DVL1: variants seen among roughly 807,000 people sequenced by gnomAD.
The protein encoded by DVL1 is segment polarity protein dishevelled homolog DVL-1.
DVL1 carries 49 observed loss-of-function variants against 65.0 expected under a neutral mutation model. That is an observed-to-expected ratio of 0.75 (90% CI 0.60 to 0.96). DVL1 has a LOEUF of 0.96. Ranked by LOEUF, DVL1 falls within the 40% of genes least tolerant of loss-of-function variation. The pLI, the probability that DVL1 is intolerant of heterozygous loss-of-function variation, is 0.00. For missense variants in DVL1, 1,197 were observed against 1,045.4 expected (o/e 1.15, Z -2.00); for synonymous variants, 608 against 433.9 (o/e 1.40, Z -4.99).
At chr1:1,345,814 GCAGAGCCATCCTGTGCCCT>G (rs1372840530) in intron 1 of DVL1, among the ~76,000 whole-genome samples, 3 of 152,166 alleles carry the variant, frequency 2.0e-5, no homozygotes, top group South Asian at 4.1e-4. Context: ...GACAGGCGGT[GCAGAGCCATCCTGTGCCCT>G]CAGAGCCCCC....
chr1:1,339,179 ACACGTGTCACAGCCCCATGACGGC>A, intron 11 of DVL1, 84 bp downstream of exon 11: 3 of 1,427,086 alleles, frequency 2.1e-6, no homozygotes, highest in Non-Finnish European at 2.9e-6. Flanking sequence ...CAGGCAACAC[ACACGTGTCACAGCCCCATGACGGC>A]CACAGGCGGC....
rs555813095 is a variant in DVL1 at position 1,337,074 on chromosome 1, AG to A, written c.1715-560del. 3.6e-5 allele frequency: 36 copies of A among 988,252 alleles called. No individual in the cohort carries two copies. The Admixed American group carries it at 2.1e-3, about 58-fold the overall frequency. 61.2% of individuals were successfully genotyped at this position (988,252 alleles called of 1,614,324 possible). On this transcript the variant is annotated intron_variant, in intron 14 of 14. Coordinates refer to ENST00000378888, the MANE Select transcript of DVL1 (RefSeq NM_001330311.2). ...TCTAAGGCTTGTTTAGCACAAGACA[AG>A]GGATAGCACGAGTTACACGCCCGGC...
At chr1:1,340,593 G>A (rs111406534) in intron 5 of DVL1, 90 bp from the exon 6 acceptor site, 22 of 1,392,128 alleles carry the variant, frequency 1.6e-5, no homozygotes, top group Non-Finnish European at 2.1e-5. Flanking sequence ...GGAATCGGGG[G>A]TCTAGGCCAG....
chr1:1,347,834 C>T (rs1643941365), intron 1 of DVL1, among the ~76,000 whole-genome samples: 1 of 152,132 alleles, frequency 6.6e-6, no homozygotes, highest in South Asian at 2.1e-4. Context: ...CAAGGACGCA[C>T]CCTGCCCTCT....
At chr1:1,338,229 T>TGGCCCCCCCCCCC in intron 13 of DVL1, 40 bp downstream of exon 13, 5 of 1,522,336 alleles carry the variant, frequency 3.3e-6, no homozygotes, top group Non-Finnish European at 3.6e-6. Flanking sequence ...CCTCCGGCGT[T>TGGCCCCCCCCCCC]CCCCTCCCCC....
chr1:1,342,172 A>C lies in DVL1; in HGVS notation c.363-16T>G, dbSNP rs753086849. 1.3e-6 allele frequency: 2 copies of C among 1,547,760 alleles called. No homozygotes were observed. Among genetic ancestry groups the C allele is most frequent in the South Asian group, 2.4e-5 (2 of 84,300 alleles). The stretch of plus-strand genomic sequence containing the variant: ...CACATTTGGGCTGTGCAACAAGAGC[A>C]GGGTGGGTGGGGAGGCCGTGGCCCC... On this transcript the variant is annotated splice_polypyrimidine_tract_variant and intron_variant, in intron 3 of 14. Coordinates refer to ENST00000378888, the MANE Select transcript of DVL1 (RefSeq NM_001330311.2).
chr1:1,346,139 T>TC (rs1048105970), intron 1 of DVL1, among the ~76,000 whole-genome samples: 1 of 151,118 alleles, frequency 6.6e-6, no homozygotes, highest in African/African-American at 2.4e-5. Flanking sequence ...GAGTGGGAAC[T>TC]CCCCCCACAG....
At chr1:1,342,907 C>T (rs1156466088) in intron 1 of DVL1, 149 bp from the exon 2 acceptor site, 2 of 728,486 alleles carry the variant, frequency 2.7e-6, no homozygotes, top group Non-Finnish European at 2.2e-6. Context: ...GGGAACCGTC[C>T]TTCCTCTCCG....
intron 10 of DVL1, 59 bp downstream of exon 10, chr1:1,339,522 CT>C: frequency 6.4e-7 from 1 of 1,556,126 alleles, no homozygotes; most frequent in African/African-American, 1.4e-5. Flanking sequence ...GGAGAGAGGC[CT>C]TCAGGCTAGG....
chr1:1,340,810 T>TGCACACACCTGC (rs1162072963), intron 5 of DVL1, among the ~76,000 whole-genome samples: 3 of 127,300 alleles, frequency 2.4e-5, no homozygotes, highest in African/African-American at 3.3e-5. Context: ...AAGGCACACA[T>TGCACACACCTGC]GCACACACCT....
chr1:1,342,218 GC>G, intron 3 of DVL1, 62 bp from the exon 4 acceptor site: 1 of 1,509,110 alleles, frequency 6.6e-7, no homozygotes. Flanking sequence ...ATGCCGCCCA[GC>G]CCAGCCTCCC....
At chr1:1,342,182 G>T in intron 3 of DVL1, 26 bp from the exon 4 acceptor site, 1 of 1,536,442 alleles carries the variant, frequency 6.5e-7, no homozygotes, top group Non-Finnish European at 8.8e-7. Context: ...AGGGTGGGTG[G>T]GGAGGCCGTG....
chr1:1,336,290 G>C lies in DVL1; in HGVS notation c.1940C>G (p.Thr647Arg). The change falls in exon 15 of 15, where the codon ACG (threonine) becomes AGG (arginine). Residue 647 changes from threonine (T) to arginine (R), a missense_variant. By Grantham distance (71) the Thr-to-Arg change is moderately conservative. Transcript: ENST00000378888. ...TAPGLPPPHP[T>R]TKAYTVVGGP... is the part of the protein sequence containing the mutation. ...CCCCACCACTGTATAGGCCTTGGTCGTGGGGTGGGGCGGGGGGAGCCCCGG... is the reference window on the plus strand; with the variant it reads ...CCCCACCACTGTATAGGCCTTGGTCCTGGGGTGGGGCGGGGGGAGCCCCGG... The C allele has an allele frequency of 6.4e-7, 1 of 1,562,950 alleles. No individual in the cohort carries two copies. The highest frequency in any genetic ancestry group is 8.6e-7 in the Non-Finnish European group (1 of 1,160,804).
intron 1 of DVL1, among the ~76,000 whole-genome samples, chr1:1,348,305 G>A (rs777251022): frequency 2.0e-5 from 3 of 152,214 alleles, no homozygotes; most frequent in Non-Finnish European, 4.4e-5. Flanking sequence ...GGGAACGCAA[G>A]TGCTTTGTGG....
Position 1,340,246 on chromosome 1 carries a change from C to G in DVL1, c.769+1G>C. 6.2e-7 allele frequency: 1 copy of G among 1,613,990 alleles called. No individual in the cohort carries two copies. Among genetic ancestry groups the G allele is most frequent in the Non-Finnish European group, 8.5e-7 (1 of 1,180,000 alleles). ...CCCCAACCCTCGCCCCGAGGCCTCA[C>G]CCATGTTGAGCGTGACAGTGACGAT... On this transcript the variant is annotated splice_donor_variant, in intron 7 of 14. Coordinates refer to ENST00000378888, the MANE Select transcript of DVL1 (RefSeq NM_001330311.2). LOFTEE classifies it high-confidence loss of function.
At position 1,335,564 on chromosome 1, in the gene DVL1, C is replaced by A. The variant is rs1643542552; in HGVS notation, c.*578G>T. ...TGGTCCCTCCCTGCCCTGGCTGGGA[C>A]ACGGTGGGCAGGATGTCCAGCCCTC... On this transcript the variant is annotated 3_prime_UTR_variant, in exon 15 of 15. Coordinates refer to ENST00000378888, the MANE Select transcript of DVL1 (RefSeq NM_001330311.2). 6.4e-6 allele frequency: 1 copy of A among 155,260 alleles called. No individual in the cohort carries two copies. The allele number at this position is 155,260 out of a possible 1,614,324, so 9.6% of individuals were successfully genotyped here.
chr1:1,341,642 C>T (rs1643834098), intron 5 of DVL1, 25 bp downstream of exon 5: 1 of 1,580,626 alleles, frequency 6.3e-7, no homozygotes. Flanking sequence ...CACAGGCATA[C>T]ACGCCCACAG....
chr1:1,339,975 A>T, intron 8 of DVL1, 63 bp downstream of exon 8: 1 of 1,162,450 alleles, frequency 8.6e-7, no homozygotes, highest in South Asian at 1.7e-5. Flanking sequence ...GCCGCACGTC[A>T]CCCCAAAGTC....
In DVL1 at chr1:1,340,275, G is replaced by A. The variant is rs1353498807; in HGVS notation, c.741C>T (p.Leu247=). 1 of 1,614,044 alleles carries A rather than the reference G, an allele frequency of 6.2e-7. No individual in the cohort carries two copies. The highest frequency in any genetic ancestry group is 8.5e-7 in the Non-Finnish European group (1 of 1,180,012). Residue 247 remains leucine, a synonymous_variant, in exon 7 of 15, where the codon CTC becomes CTT. Transcript: ENST00000378888. The part of the protein sequence containing the change: ...FSSITDSTMS[L]NIVTVTLNME... The stretch of plus-strand genomic sequence containing the variant: ...TGTTGAGCGTGACAGTGACGATGTT[G>A]AGGGACATGGTGGAGTCGGTTATGC...
Sources: gnomAD v4.1 joint callset for allele counts (sites outside exome capture counted in the v4.1 genomes callset) on GRCh38, gnomAD v4.1.1 for gene constraint, MANE v1.5 for transcripts, NCBI Gene and HGNC (gene_info 2026-07-23, HGNC 2026-07-21) for gene names.